MCPH1: variants seen among roughly 807,000 people sequenced by gnomAD.
The protein encoded by MCPH1 is microcephalin 1, also known as microcephalin.
A neutral mutation model predicts 84.5 loss-of-function variants in MCPH1; 104 were observed. The ratio of observed to expected loss-of-function variants is 1.23; its 90% CI spans 1.05 to 1.45. The LOEUF is 1.45. Ranked by LOEUF, MCPH1 falls within the 40% of genes most tolerant of loss-of-function variation. The pLI is 0.00. For synonymous variants in MCPH1, 514 were observed against 366.8 expected, an observed-to-expected ratio of 1.40 and a Z score of -4.58; for missense variants, 1,498 against 1,005.7, an observed-to-expected ratio of 1.49 and a Z score of -6.62.
intron 9 of MCPH1, among the ~76,000 whole-genome samples, chr8:6,472,719 C>G (rs185040162): frequency 6.6e-6 from 1 of 152,264 alleles, no homozygotes; most frequent in Admixed American, 6.5e-5. Flanking sequence ...CCACCCGCCT[C>G]GGCTTCCCAA....
intron 3 of MCPH1, among the ~76,000 whole-genome samples, chr8:6,428,083 A>G (rs1246135104): frequency 1.3e-5 from 2 of 151,962 alleles, no homozygotes; most frequent in African/African-American, 4.8e-5. Flanking sequence ...CGCCTCGCCT[A>G]TACTGTATTT....
chr8:6,431,389 A>G (rs1801811154), intron 3 of MCPH1, 110 bp from the exon 4 acceptor site: 2 of 800,164 alleles, frequency 2.5e-6, no homozygotes, highest in African/African-American at 3.5e-5. Context: ...GTCTGTTAAA[A>G]TGACCTAGCT....
chr8:6,644,380 C>G lies in MCPH1; in HGVS notation c.*1331C>G, dbSNP rs955465719. 1 of 152,096 alleles carries G rather than the reference C, an allele frequency of 6.6e-6. No homozygotes were observed. Among genetic ancestry groups the G allele is most frequent in the African/African-American group, 2.4e-5 (1 of 41,376 alleles). The allele number at this position is 152,096 out of a possible 1,614,324, so 9.4% of individuals were successfully genotyped here. Reference sequence around the variant, plus strand: ...GGCAAGAATAAGCCATAAAAGGCATCCAAATAGGAAAAGAAGTCAAACTGT... The same window carrying G: ...GGCAAGAATAAGCCATAAAAGGCATGCAAATAGGAAAAGAAGTCAAACTGT... On this transcript the variant is annotated 3_prime_UTR_variant, in exon 14 of 14. Coordinates refer to ENST00000344683, the MANE Select transcript of MCPH1 (RefSeq NM_024596.5).
At position 6,431,511 on chromosome 8, in the gene MCPH1, T is replaced by G. The variant is rs1291248277; in HGVS notation, c.246T>G (p.Ala82=). 1.2e-6 allele frequency: 2 copies of G among 1,613,306 alleles called. No individual in the cohort carries two copies. Among genetic ancestry groups the G allele is most frequent in the South Asian group, 2.2e-5 (2 of 91,034 alleles). Residue 82 remains alanine, a synonymous_variant, in exon 4 of 14, where the codon GCT becomes GCG. Coordinates refer to ENST00000344683, the MANE Select transcript of MCPH1 (RefSeq NM_024596.5). ...SVLWVEKCRT[A]GAHIDESLFP... ...TTTAATTATACAGATGCAGGACAGC[T>G]GGAGCACACATTGATGAATCATTGT...
intron 11 of MCPH1, among the ~76,000 whole-genome samples, chr8:6,486,312 C>T (rs73661780): frequency 0.016 from 2,397 of 152,152 alleles, 48 homozygotes; most frequent in African/African-American, 0.044. Context: ...CTCGCTCTCT[C>T]GCTCTCTCGT....
chr8:6,627,313 G>A (rs1466417219), intron 13 of MCPH1: 4 of 984,436 alleles, frequency 4.1e-6, no homozygotes, highest in African/African-American at 1.7e-5. Context: ...TGCAGAAGCT[G>A]TGGAGAGTGG....
chr8:6,576,679 T>C (rs1827134299), intron 12 of MCPH1, among the ~76,000 whole-genome samples: 4 of 116,852 alleles, frequency 3.4e-5, no homozygotes, highest in Non-Finnish European at 7.1e-5. Context: ...TGCTAATTTT[T>C]GTATTTTTTT....
chr8:6,458,436 C>T (rs1805927317), intron 9 of MCPH1, among the ~76,000 whole-genome samples: 1 of 141,680 alleles, frequency 7.1e-6, no homozygotes. Flanking sequence ...CGTGCCACTG[C>T]ATTCCAGCCT....
chr8:6,519,121 T>C (rs781744629), intron 12 of MCPH1, among the ~76,000 whole-genome samples: 1 of 152,202 alleles, frequency 6.6e-6, no homozygotes, highest in Non-Finnish European at 1.5e-5. Context: ...AAATGAACAC[T>C]GTCTTTATGG....
At chr8:6,486,320 C>T (rs969604261) in intron 11 of MCPH1, among the ~76,000 whole-genome samples, 2 of 152,014 alleles carry the variant, frequency 1.3e-5, no homozygotes, top group Admixed American at 6.6e-5. Context: ...CTCGCTCTCT[C>T]GTCCTCCTCC....
intron 13 of MCPH1, among the ~76,000 whole-genome samples, chr8:6,629,966 C>G (rs1044276316): frequency 6.6e-6 from 1 of 152,156 alleles, no homozygotes; most frequent in Non-Finnish European, 1.5e-5. Context: ...TCAGACTGTA[C>G]CACAGAACCT....
intron 12 of MCPH1, among the ~76,000 whole-genome samples, chr8:6,548,078 C>A (rs988071742): frequency 6.6e-6 from 1 of 152,072 alleles, no homozygotes; most frequent in Admixed American, 6.6e-5. Flanking sequence ...TTTACTGAAT[C>A]CCCCCTAGCG....
chr8:6,535,941 C>G (rs780709820), intron 12 of MCPH1, among the ~76,000 whole-genome samples: 1 of 151,702 alleles, frequency 6.6e-6, no homozygotes, highest in Non-Finnish European at 1.5e-5. Context: ...CCTGTAGTCT[C>G]AGGTACTGGG....
intron 11 of MCPH1, among the ~76,000 whole-genome samples, chr8:6,493,254 A>G (rs750953374): frequency 2.1e-4 from 32 of 152,220 alleles, no homozygotes; most frequent in Non-Finnish European, 3.4e-4. Flanking sequence ...TGAGCAGTTA[A>G]GCCTTAACAT....
At chr8:6,613,053 T>G (rs1423378171) in intron 12 of MCPH1, among the ~76,000 whole-genome samples, 1 of 151,978 alleles carries the variant, frequency 6.6e-6, no homozygotes, top group Non-Finnish European at 1.5e-5. Flanking sequence ...AGGCATGGGG[T>G]TGGCCTGCTG....
chr8:6,514,614 A>C (rs1815872338), intron 12 of MCPH1: 2 of 1,436,110 alleles, frequency 1.4e-6, no homozygotes. Context: ...AAGGTTCCGC[A>C]GATCTTGAAA....
At chr8:6,548,170 C>T (rs1262640765) in intron 12 of MCPH1, among the ~76,000 whole-genome samples, 1 of 152,108 alleles carries the variant, frequency 6.6e-6, no homozygotes, top group African/African-American at 2.4e-5. Context: ...TGGCCTTCTC[C>T]TGGAGTGGCT....
intron 12 of MCPH1, among the ~76,000 whole-genome samples, chr8:6,614,297 C>T (rs1207129559): frequency 6.6e-6 from 1 of 152,174 alleles, no homozygotes; most frequent in Non-Finnish European, 1.5e-5. Context: ...CGGTCAGGTG[C>T]CCCAGGTTTC....
At chr8:6,552,407 A>C (rs1184289869) in intron 12 of MCPH1, among the ~76,000 whole-genome samples, 1 of 152,234 alleles carries the variant, frequency 6.6e-6, no homozygotes, top group Non-Finnish European at 1.5e-5. Flanking sequence ...TTTTACACAC[A>C]CACTTACGAT....
Sources: gnomAD v4.1 joint callset for allele counts (sites outside exome capture counted in the v4.1 genomes callset) on GRCh38, gnomAD v4.1.1 for gene constraint, MANE v1.5 for transcripts, NCBI Gene and HGNC (gene_info 2026-07-23, HGNC 2026-07-21) for gene names.